RARB: variants seen among roughly 807,000 people sequenced by gnomAD.
RARB encodes the protein retinoic acid receptor beta.
A neutral mutation model predicts 51.9 loss-of-function variants in RARB; 17 were observed. The ratio of observed to expected loss-of-function variants is 0.33; its 90% confidence interval spans 0.22 to 0.49. The LOEUF (loss-of-function observed/expected upper bound fraction) is 0.49. Ranked by LOEUF, RARB falls within the 20% of genes least tolerant of loss-of-function variation. The probability of loss-of-function intolerance (pLI) is 0.99; values close to 1 mark genes in which losing one functional copy is unlikely to be tolerated. For missense variants in RARB, 369 were observed against 550.8 expected, an observed-to-expected ratio of 0.67 and a Z score of 3.30; for synonymous variants, 215 against 195.4, an observed-to-expected ratio of 1.10 and a Z score of -0.84.
At chr3:25,122,666 G>C (rs1699803915) in intron 3 of RARB, among the ~76,000 whole-genome samples, 1 of 152,076 alleles carries the variant, frequency 6.6e-6, no homozygotes, top group South Asian at 2.1e-4. Context: ...GTGAGATCTT[G>C]GTTAAATGGT....
At chr3:24,909,187 T>C (rs942648054) in intron 2 of RARB, among the ~76,000 whole-genome samples, 2 of 152,220 alleles carry the variant, frequency 1.3e-5, no homozygotes, top group Admixed American at 6.5e-5. Flanking sequence ...TCAGGATTTA[T>C]GCTGCAAATG....
intron 2 of RARB, among the ~76,000 whole-genome samples, chr3:24,948,437 A>G (rs1331323698): frequency 4.6e-5 from 7 of 152,208 alleles, no homozygotes; most frequent in Non-Finnish European, 8.8e-5. Flanking sequence ...AGCTAAAAAG[A>G]TGTTTGTTTA....
chr3:24,838,542 G>A (rs1392617286), intron 1 of RARB, among the ~76,000 whole-genome samples: 1 of 152,072 alleles, frequency 6.6e-6, no homozygotes, highest in East Asian at 1.9e-4. Context: ...TAAGCTTTTG[G>A]CAAAGGACAA....
intron 5 of RARB, among the ~76,000 whole-genome samples, chr3:25,401,814 T>A (rs970530391): frequency 5.9e-5 from 9 of 152,198 alleles, no homozygotes; most frequent in African/African-American, 2.2e-4. Context: ...TCTCCCTCCG[T>A]CGCCCAGGCT....
At chr3:25,067,212 G>C (rs1464188727) in intron 3 of RARB, among the ~76,000 whole-genome samples, 1 of 152,174 alleles carries the variant, frequency 6.6e-6, no homozygotes, top group Non-Finnish European at 1.5e-5. Flanking sequence ...AAAGGCAATT[G>C]AAACCAGAGG....
At chr3:25,494,202 T>C (rs1017296080) in intron 2 of RARB, among the ~76,000 whole-genome samples, 1 of 140,760 alleles carries the variant, frequency 7.1e-6, no homozygotes, top group African/African-American at 2.7e-5. Context: ...TGCATGGCTT[T>C]AAGATCTTCC....
intron 1 of RARB, among the ~76,000 whole-genome samples, chr3:24,834,305 C>T (rs566386301): frequency 6.6e-6 from 1 of 152,078 alleles, no homozygotes. Context: ...TAAAAAAGAG[C>T]AAATTTAAAT....
intron 2 of RARB, among the ~76,000 whole-genome samples, chr3:24,957,399 C>A (rs1442052616): frequency 6.6e-6 from 1 of 152,022 alleles, no homozygotes; most frequent in Non-Finnish European, 1.5e-5. Context: ...TACTTGGAAC[C>A]CTAGCTGACG....
intron 5 of RARB, among the ~76,000 whole-genome samples, chr3:25,584,974 G>A (rs1380540684): frequency 7.4e-6 from 1 of 135,674 alleles, no homozygotes; most frequent in Middle Eastern, 3.4e-3. Flanking sequence ...CCCACTGCAC[G>A]CAATCCTGGC....
At chr3:25,495,671 G>A (rs929320374) in intron 2 of RARB, among the ~76,000 whole-genome samples, 1 of 152,208 alleles carries the variant, frequency 6.6e-6, no homozygotes, top group Non-Finnish European at 1.5e-5. Flanking sequence ...GAGGTAGGAA[G>A]ATTGAAAAAT....
chr3:25,524,736 AT>A (rs923328068), intron 3 of RARB, among the ~76,000 whole-genome samples: 1 of 136,442 alleles, frequency 7.3e-6, no homozygotes, highest in Non-Finnish European at 1.6e-5. Flanking sequence ...TTTTATCATT[AT>A]TTTTTTTCAT....
At chr3:25,549,647 A>T (rs1436333734) in intron 3 of RARB, among the ~76,000 whole-genome samples, 1 of 152,122 alleles carries the variant, frequency 6.6e-6, no homozygotes, top group Admixed American at 6.5e-5. Flanking sequence ...CCTCATTTTA[A>T]GAGGGAAGTT....
intron 5 of RARB, among the ~76,000 whole-genome samples, chr3:25,283,429 G>A (rs1281311213): frequency 8.5e-5 from 13 of 152,106 alleles, no homozygotes; most frequent in African/African-American, 2.4e-4. Context: ...TCTCTATCTC[G>A]GGCCTGACCC....
At chr3:25,207,570 T>C (rs1701581441) in intron 5 of RARB, among the ~76,000 whole-genome samples, 1 of 152,218 alleles carries the variant, frequency 6.6e-6, no homozygotes, top group South Asian at 2.1e-4. Context: ...ATGCCAGTAT[T>C]TCCCTTCCCT....
chr3:24,859,286 T>C (rs73152452), intron 2 of RARB, among the ~76,000 whole-genome samples: 1,825 of 152,238 alleles, frequency 0.012, 15 homozygotes, highest in African/African-American at 0.041. Flanking sequence ...GTTTTGCTTT[T>C]CTTTGAGGTT....
chr3:24,913,218 T>C lies in RARB; in HGVS notation c.-380+54466T>C, dbSNP rs764799802. On this transcript the variant is annotated intron_variant, in intron 2 of 11. Transcript: ENST00000383772. Reference sequence around the variant, plus strand: ...CCACGATGGTCTCGATCTCCTGACCTCCTGATCTGCCCACCTTGGCCTCCC... The same window carrying C: ...CCACGATGGTCTCGATCTCCTGACCCCCTGATCTGCCCACCTTGGCCTCCC... 1.1e-3 allele frequency among the ~76,000 whole-genome samples: 165 copies of C among 151,524 alleles called. 1 individual carries two copies. Among genetic ancestry groups the C allele is most frequent in the Non-Finnish European group, 1.6e-3 (112 of 67,946 alleles).
At chr3:25,185,504 C>T (rs950295546) in intron 5 of RARB, among the ~76,000 whole-genome samples, 1 of 151,980 alleles carries the variant, frequency 6.6e-6, no homozygotes, top group Non-Finnish European at 1.5e-5. Flanking sequence ...AATTGGCCAA[C>T]CAAAAAGAAG....
upstream of RARB, among the ~76,000 whole-genome samples, chr3:25,424,030 C>T (rs531306521): frequency 6.6e-6 from 1 of 152,274 alleles, no homozygotes; most frequent in African/African-American, 2.4e-5. Flanking sequence ...GAAAAGTATG[C>T]CCTTGTCTTG....
At chr3:24,882,606 T>C (rs1445286415) in intron 2 of RARB, among the ~76,000 whole-genome samples, 1 of 152,196 alleles carries the variant, frequency 6.6e-6, no homozygotes, top group Admixed American at 6.5e-5. Context: ...TTCAATATTT[T>C]CTCAGCACAA....
Sources: allele counts gnomAD v4.1 joint callset (sites outside exome capture counted in the v4.1 genomes callset), GRCh38; gene constraint gnomAD v4.1.1; transcripts MANE v1.5; gene names NCBI Gene and HGNC (gene_info 2026-07-23, HGNC 2026-07-21).